LACTBL1: variants seen among roughly 807,000 people sequenced by gnomAD.
LACTBL1 encodes the protein beta-lactamase-like protein 1.
A neutral mutation model predicts 39.6 loss-of-function variants in LACTBL1; 29 were observed. That is an observed-to-expected ratio of 0.73 (90% CI 0.55 to 1.00). LACTBL1 has a LOEUF of 1.00. LACTBL1 is among the 50% of genes least tolerant of loss of function. The pLI is 0.00. For synonymous variants in LACTBL1, 361 were observed against 360.7 expected (o/e 1.00, Z -0.01); for missense variants, 711 against 748.5 (o/e 0.95, Z 0.59).
chr1:22,960,172 C>T, intron 2 of LACTBL1, 73 bp from the exon 5 acceptor site: 1 of 1,517,634 alleles, frequency 6.6e-7, no homozygotes, highest in South Asian at 1.2e-5. Flanking sequence ...CAAAGCCACC[C>T]TCGTCCATAG....
rs373254109 is a variant in LACTBL1, at chr1:22,965,198, T to C, written c.49+92A>G. On this transcript the variant is annotated intron_variant, in intron 1 of 5. Transcript: ENST00000426928. ...CTTCTGAGTCTAAATCTTATGGTCCTCCCCTACACACTAGAATCAGGGGTG... is the reference window on the plus strand; with the variant it reads ...CTTCTGAGTCTAAATCTTATGGTCCCCCCCTACACACTAGAATCAGGGGTG... 10 of 1,100,110 alleles carry C rather than the reference T, an allele frequency of 9.1e-6. No individual in the cohort carries two copies. The African/African-American group carries it at 1.5e-4, about 16-fold the overall frequency. The allele number at this position is 1,100,110 out of a possible 1,614,324, so 68.1% of individuals were successfully genotyped here. A position where few individuals can be genotyped will look rare whatever the true frequency, so the allele number is the denominator to read the frequency against.
upstream of LACTBL1, chr1:22,965,435 C>T (rs1640867443): frequency 8.0e-7 from 1 of 1,245,970 alleles, no homozygotes; most frequent in Non-Finnish European, 1.0e-6. Context: ...CCTGGGAGAG[C>T]AAGGACATAA....
upstream of LACTBL1, among the ~76,000 whole-genome samples, chr1:22,970,256 G>C (rs568930399): frequency 6.6e-6 from 1 of 152,238 alleles, no homozygotes; most frequent in Admixed American, 6.5e-5. Context: ...TCTGTACAAG[G>C]GAATACTACT....
chr1:22,954,215 C>G (rs568073302), intron 5 of LACTBL1, among the ~76,000 whole-genome samples, 191 bp from the exon 8 acceptor site: 1 of 152,306 alleles, frequency 6.6e-6, no homozygotes, highest in East Asian at 1.9e-4. Flanking sequence ...AAGACCAAGG[C>G]CCAGAGAGGG....
chr1:22,953,863 G>A, exon 6 of LACTBL1: 1 of 1,548,820 alleles, frequency 6.5e-7, no homozygotes, highest in South Asian at 1.2e-5. Flanking sequence ...GAAGCCCGCG[G>A]CCAGGCGCGC....
At chr1:22,959,539 A>G (rs1466625264) in intron 3 of LACTBL1, among the ~76,000 whole-genome samples, 1 of 152,256 alleles carries the variant, frequency 6.6e-6, no homozygotes, top group Non-Finnish European at 1.5e-5. Context: ...CAGATATGCA[A>G]CAGAATGTCC....
chr1:22,956,584 A>G (rs1640764531), intron 4 of LACTBL1, among the ~76,000 whole-genome samples: 1 of 152,128 alleles, frequency 6.6e-6, no homozygotes, highest in Non-Finnish European at 1.5e-5. Context: ...CAGGGCAGAT[A>G]GTACCTGTCT....
chr1:22,970,571 G>T, the LACTBL1 span, among the ~76,000 whole-genome samples: 1 of 152,078 alleles, frequency 6.6e-6, no homozygotes, highest in Middle Eastern at 3.2e-3. Context: ...ACTCTGGGAG[G>T]CCGAGGCAGG....
At chr1:22,954,170 T>C (rs1022442276) in intron 5 of LACTBL1, 146 bp from the exon 8 acceptor site, 3 of 1,404,100 alleles carry the variant, frequency 2.1e-6, no homozygotes, top group Non-Finnish European at 1.9e-6. Flanking sequence ...GAAGAGACTT[T>C]GGAGCACTGA....
chr1:22,967,680 T>C (rs1437034986), upstream of LACTBL1, among the ~76,000 whole-genome samples: 1 of 152,098 alleles, frequency 6.6e-6, no homozygotes, highest in Admixed American at 6.5e-5. Context: ...GACAGACTTA[T>C]AATGTAATGA....
chr1:22,956,083 A>G (rs1401528441), intron 4 of LACTBL1, among the ~76,000 whole-genome samples: 1 of 133,700 alleles, frequency 7.5e-6, no homozygotes, highest in African/African-American at 2.9e-5. Flanking sequence ...AAAAAAAAAA[A>G]GAGTTTGGTC....
In LACTBL1 at chr1:22,961,185, A is replaced by G. The variant is rs114455986; in HGVS notation, c.160-1086T>C. ...TTAGAATGTGCCAGGCATGGCATAA[A>G]GTGATTTTCATACATTGTCTCCTTT... On this transcript the variant is annotated intron_variant, in intron 2 of 5. Transcript: ENST00000426928. 3.9e-3 allele frequency among the ~76,000 whole-genome samples: 599 copies of G among 152,338 alleles called. 7 individuals carry two copies. Among genetic ancestry groups the G allele is most frequent in the African/African-American group, 0.013 (556 of 41,564 alleles).
At chr1:22,958,815 G>T (rs1257568488) in exon 4 of LACTBL1, 1 of 1,550,712 alleles carries the variant, frequency 6.4e-7, no homozygotes, top group Non-Finnish European at 8.7e-7. Flanking sequence ...TAATGGTGAA[G>T]GTGCTGGCAT....
exon 4 of LACTBL1, chr1:22,958,714 G>A: frequency 6.5e-7 from 1 of 1,549,978 alleles, no homozygotes; most frequent in Non-Finnish European, 8.7e-7. Context: ...CCTTCGAAGG[G>A]TGACAGGTGA....
the LACTBL1 span, among the ~76,000 whole-genome samples, chr1:22,971,421 C>T: frequency 6.6e-6 from 1 of 152,154 alleles, no homozygotes; most frequent in African/African-American, 2.4e-5. Context: ...TTTCCTTTCC[C>T]TTCCCAGCTG....
At chr1:22,972,314 C>T in the LACTBL1 span, 1 of 985,270 alleles carries the variant, frequency 1.0e-6, no homozygotes, top group Non-Finnish European at 1.2e-6. Flanking sequence ...CCTGGGTCTT[C>T]ATTCTCTCCA....
chr1:22,963,040 G>T, intron 2 of LACTBL1, 67 bp downstream of exon 4: 2 of 764,956 alleles, frequency 2.6e-6, no homozygotes, highest in Non-Finnish European at 3.7e-6. Context: ...AGCACAGAGG[G>T]ACTGCCCTCC....
upstream of LACTBL1, chr1:22,965,400 T>G (rs1263217685): frequency 8.0e-7 from 1 of 1,255,224 alleles, no homozygotes; most frequent in Non-Finnish European, 1.0e-6. Context: ...CTTCTTCACT[T>G]TCAGCAAGTT....
chr1:22,956,191 A>G (rs1640760081), intron 4 of LACTBL1, among the ~76,000 whole-genome samples: 2 of 152,022 alleles, frequency 1.3e-5, no homozygotes, highest in South Asian at 4.2e-4. Context: ...TTGGCACCAT[A>G]GCAAGACCCT....
Sources: allele counts gnomAD v4.1 joint callset (sites outside exome capture counted in the v4.1 genomes callset), GRCh38; gene constraint gnomAD v4.1.1; transcripts MANE v1.5; gene names NCBI Gene and HGNC (gene_info 2026-07-23, HGNC 2026-07-21).